The following PRKAR1B variants were observed in gnomAD, a reference collection of about 807,000 sequenced individuals.
The protein encoded by PRKAR1B is protein kinase cAMP-dependent type I regulatory subunit beta.
Under a neutral mutation model 46.5 loss-of-function variants are expected in PRKAR1B, and 22 were observed. The observed-to-expected ratio is 0.47, with a 90% CI of 0.34 to 0.68. The LOEUF (loss-of-function observed/expected upper bound fraction) is 0.68, where lower values mean the gene tolerates loss of function less well. PRKAR1B is among the 30% of genes least tolerant of loss of function. The probability of loss-of-function intolerance (pLI) is 0.01; values close to 1 mark genes in which losing one functional copy is unlikely to be tolerated. For missense variants in PRKAR1B, 445 were observed against 535.6 expected, an observed-to-expected ratio of 0.83 and a Z score of 1.67; for synonymous variants, 259 against 217.7, an observed-to-expected ratio of 1.19 and a Z score of -1.67.
intron 7 of PRKAR1B, among the ~76,000 whole-genome samples, chr7:586,254 GC>G (rs1780588671): frequency 6.6e-6 from 1 of 152,170 alleles, no homozygotes; most frequent in African/African-American, 2.4e-5. Flanking sequence ...GAGGCAGCCG[GC>G]CCCCAATGAT....
intron 6 of PRKAR1B, among the ~76,000 whole-genome samples, chr7:605,885 G>A (rs932177304): frequency 4.6e-5 from 7 of 152,158 alleles, no homozygotes; most frequent in African/African-American, 1.4e-4. Flanking sequence ...TGGAGACGGC[G>A]CTGGGTCAAA....
intron 1 of PRKAR1B, among the ~76,000 whole-genome samples, chr7:725,731 G>A (rs1781240505): frequency 6.6e-6 from 1 of 152,162 alleles, no homozygotes; most frequent in Non-Finnish European, 1.5e-5. Context: ...TGCAGCTAGA[G>A]GCCACAAGAT....
At chr7:645,933 G>A (rs1488774884) in intron 4 of PRKAR1B, among the ~76,000 whole-genome samples, 3 of 152,166 alleles carry the variant, frequency 2.0e-5, no homozygotes, top group East Asian at 1.9e-4. Context: ...CAGGGTACCC[G>A]GAAAGGGCAG....
rs1180688827 is a variant in PRKAR1B at position 711,379 on chromosome 7, G to C, written c.127C>G (p.Pro43Ala). ...DCIVHLCISK[P>A]ERPMKFLREH... ...CGGAGGAACTTCATGGGGCGTTCGG[G>C]CTTGGAGATGCAGAGGTGGACGATA... Residue 43 changes from proline (P) to alanine (A), a missense_variant, in exon 2 of 11, where the codon CCC becomes GCC. Coordinates refer to ENST00000537384, the MANE Select transcript of PRKAR1B (RefSeq NM_001164760.2). The C allele has an allele frequency of 9.3e-6, 15 of 1,614,116 alleles. No individual in the cohort carries two copies. The highest frequency in any genetic ancestry group is 1.3e-5 in the Non-Finnish European group (15 of 1,180,042).
Position 711,353 on chromosome 7 carries a change from C to T in PRKAR1B, c.153G>A (p.Arg51=). ...CCTTCTCCAGCTTCTCGAAGTGCTC[C>T]CGGAGGAACTTCATGGGGCGTTCGG... The part of the protein sequence containing the change: ...SKPERPMKFL[R]EHFEKLEKEE... The change falls in exon 2 of 11, where the codon CGG becomes CGA. Residue 51 remains arginine (R), a synonymous_variant. Coordinates refer to ENST00000537384, the MANE Select transcript of PRKAR1B (RefSeq NM_001164760.2). 2 of 1,614,184 alleles carry T rather than the reference C, an allele frequency of 1.2e-6. No individual in the cohort carries two copies. Among genetic ancestry groups the T allele is most frequent in the Non-Finnish European group, 1.7e-6 (2 of 1,180,010 alleles).
In PRKAR1B at chr7:578,311, G is replaced by A. The variant is rs542827094; in HGVS notation, c.891+945C>T. Among the ~76,000 whole-genome samples the A allele has an allele frequency of 2.6e-3, 394 of 152,310 alleles. 2 individuals carry two copies. The highest frequency in any genetic ancestry group is 8.9e-3 in the African/African-American group (368 of 41,574). ...CCAACAGTCTGCGTGCGGCCACCAC[G>A]GACTGCGGCCCCAGCACATCCCGGG... On this transcript the variant is annotated intron_variant, in intron 9 of 10. Coordinates refer to ENST00000537384, the MANE Select transcript of PRKAR1B (RefSeq NM_001164760.2).
chr7:712,142 C>T (rs937067632), intron 1 of PRKAR1B, among the ~76,000 whole-genome samples: 15 of 150,662 alleles, frequency 1.0e-4, no homozygotes, highest in African/African-American at 3.6e-4. Flanking sequence ...CACCGCACCG[C>T]GGGGCGCAGG....
intron 9 of PRKAR1B, among the ~76,000 whole-genome samples, chr7:554,238 CTG>C (rs1401398896): frequency 6.7e-6 from 1 of 150,012 alleles, no homozygotes; most frequent in Non-Finnish European, 1.5e-5. Flanking sequence ...TGTGGCCACT[CTG>C]AGAATTCGGT....
chr7:631,080 T>G (rs1364917493), intron 4 of PRKAR1B, among the ~76,000 whole-genome samples: 1 of 151,556 alleles, frequency 6.6e-6, no homozygotes, highest in East Asian at 1.9e-4. Context: ...GCCTCCCGAG[T>G]AACTGGGATT....
chr7:685,205 CAT>C (rs1334429913), intron 2 of PRKAR1B, among the ~76,000 whole-genome samples: 5 of 143,518 alleles, frequency 3.5e-5, no homozygotes, highest in African/African-American at 1.3e-4. Context: ...TCTGTATATA[CAT>C]ATATATAACA....
At chr7:684,065 G>A (rs897643789) in intron 2 of PRKAR1B, among the ~76,000 whole-genome samples, 10 of 149,760 alleles carry the variant, frequency 6.7e-5, no homozygotes, top group South Asian at 2.1e-4. Flanking sequence ...TGTGTATGCC[G>A]ATGCCCACCT....
chr7:710,113 T>C (rs925595157), intron 2 of PRKAR1B, among the ~76,000 whole-genome samples: 8 of 152,170 alleles, frequency 5.3e-5, no homozygotes, highest in Non-Finnish European at 8.8e-5. Context: ...TTATATTCAC[T>C]CCTTTGGGTT....
intron 4 of PRKAR1B, among the ~76,000 whole-genome samples, chr7:635,155 T>C (rs1783973974): frequency 6.6e-6 from 1 of 152,132 alleles, no homozygotes; most frequent in South Asian, 2.1e-4. Flanking sequence ...ATTAGGAGAT[T>C]TCACCAAAAA....
At position 560,935 on chromosome 7, in the gene PRKAR1B, A is replaced by G. The variant is rs1778746896; in HGVS notation, c.892-9465T>C. ...AGCCTGGAAAATTCAGGCTCACTCCAGTGCCTTTACGTTTCCTGTGCACAC... is the reference window on the plus strand; with the variant it reads ...AGCCTGGAAAATTCAGGCTCACTCCGGTGCCTTTACGTTTCCTGTGCACAC... On this transcript the variant is annotated intron_variant, in intron 9 of 10. Coordinates refer to ENST00000537384, the MANE Select transcript of PRKAR1B (RefSeq NM_001164760.2). This position sits in a 1 kb window ranked among gnomAD's most constrained non-coding sequence, Gnocchi z 4.2. Among the ~76,000 whole-genome samples, 1 of 152,202 alleles carries G rather than the reference A, an allele frequency of 6.6e-6. No individual in the cohort carries two copies. Among genetic ancestry groups the G allele is most frequent in the South Asian group, 2.1e-4 (1 of 4,830 alleles).
intron 9 of PRKAR1B, among the ~76,000 whole-genome samples, chr7:555,347 G>T (rs1311496004): frequency 6.6e-6 from 1 of 152,180 alleles, no homozygotes; most frequent in Non-Finnish European, 1.5e-5. Context: ...CTGTCTGGAT[G>T]CAAGAGCACA....
chr7:552,918 AG>A (rs1463922550), intron 9 of PRKAR1B, among the ~76,000 whole-genome samples: 2 of 152,230 alleles, frequency 1.3e-5, no homozygotes, highest in Non-Finnish European at 2.9e-5. Context: ...GGAAGTGGGG[AG>A]GGGTCTGCGG....
intron 8 of PRKAR1B, among the ~76,000 whole-genome samples, chr7:583,609 C>T (rs1412419678): frequency 1.9e-5 from 2 of 104,270 alleles, no homozygotes; most frequent in African/African-American, 6.9e-5. Flanking sequence ...CACACACCCC[C>T]TCACACGTGC....
chr7:575,980 T>G (rs1055490918), intron 9 of PRKAR1B, among the ~76,000 whole-genome samples: 1 of 151,968 alleles, frequency 6.6e-6, no homozygotes, highest in African/African-American at 2.4e-5. Flanking sequence ...TGGGCAAATG[T>G]GCACGCTGGC....
At chr7:561,607 C>A (rs183000339) in intron 9 of PRKAR1B, among the ~76,000 whole-genome samples, 1 of 152,210 alleles carries the variant, frequency 6.6e-6, no homozygotes, top group Admixed American at 6.5e-5. Flanking sequence ...ATCCCCTGCC[C>A]GCTCCTCAGG....
Sources: allele counts gnomAD v4.1 joint callset (sites outside exome capture counted in the v4.1 genomes callset), GRCh38; gene constraint gnomAD v4.1.1; non-coding constraint Gnocchi (gnomAD v3.1); transcripts MANE v1.5; gene names NCBI Gene and HGNC (gene_info 2026-07-23, HGNC 2026-07-21).